The following PCDH15 variants were observed in gnomAD, a reference collection of about 807,000 sequenced individuals.
PCDH15 encodes protocadherin related 15.
Under a neutral mutation model 178.5 loss-of-function variants are expected in PCDH15, and 129 were observed. That is an observed-to-expected ratio of 0.72 (90% CI 0.63 to 0.84). The LOEUF is 0.84. Among genes scored for constraint, PCDH15 ranks in the 40% least tolerant of loss-of-function variants. The pLI is 0.00. For missense variants in PCDH15, 2,230 were observed against 2,099.9 expected (o/e 1.06, Z -1.21); for synonymous variants, 800 against 732.0 (o/e 1.09, Z -1.50).
chr10:54,188,051 C>T (rs983709798), intron 11 of PCDH15, among the ~76,000 whole-genome samples: 1 of 151,728 alleles, frequency 6.6e-6, no homozygotes, highest in Non-Finnish European at 1.5e-5. Flanking sequence ...TACCAACTAA[C>T]CTATTGTTTT....
At chr10:55,382,347 T>C (rs1234960966) in intron 2 of PCDH15, among the ~76,000 whole-genome samples, 1 of 152,040 alleles carries the variant, frequency 6.6e-6, no homozygotes, top group Non-Finnish European at 1.5e-5. Context: ...AATAAGAAAA[T>C]TAACCTGATG....
intron 8 of PCDH15, among the ~76,000 whole-genome samples, chr10:54,306,467 C>A (rs2060477196): frequency 6.6e-6 from 1 of 151,956 alleles, no homozygotes; most frequent in Non-Finnish European, 1.5e-5. Flanking sequence ...GAGGAATTGT[C>A]ATAGTTTGTG....
rs188479908 is a variant in PCDH15, at chr10:54,436,146, A to G, written c.158-57204T>C. On this transcript the variant is annotated intron_variant, in intron 3 of 37. Coordinates refer to ENST00000644397, the MANE Select transcript of PCDH15 (RefSeq NM_001384140.1). ...AAGAAAGAAAGAAAAAGAAAGAAAGAAAGGAAGGAAGAAAGGAAGGAAGGA... is the reference window on the plus strand; with the variant it reads ...AAGAAAGAAAGAAAAAGAAAGAAAGGAAGGAAGGAAGAAAGGAAGGAAGGA... 9.2e-4 allele frequency among the ~76,000 whole-genome samples: 136 copies of G among 147,764 alleles called. 1 individual carries two copies. Among genetic ancestry groups the G allele is most frequent in the African/African-American group, 3.1e-3 (123 of 39,572 alleles).
At chr10:54,243,814 G>A (rs112441448) in intron 8 of PCDH15, among the ~76,000 whole-genome samples, 2 of 152,210 alleles carry the variant, frequency 1.3e-5, no homozygotes, top group African/African-American at 4.8e-5. Flanking sequence ...GTTTTTCCTG[G>A]TGAGATTATT....
chr10:55,236,819 A>G (rs1355566881), intron 1 of PCDH15, among the ~76,000 whole-genome samples: 1 of 152,002 alleles, frequency 6.6e-6, no homozygotes, highest in Non-Finnish European at 1.5e-5. Flanking sequence ...GCATTACTAT[A>G]TGTTTTAAAA....
intron 37 of PCDH15, chr10:53,809,470 A>ATAGT (rs2075787212): frequency 1.2e-6 from 2 of 1,613,856 alleles, no homozygotes; most frequent in Non-Finnish European, 1.7e-6. Context: ...TGGTTTTTCG[A>ATAGT]TAGTTACAAC....
chr10:54,592,980 A>G (rs543983119), intron 2 of PCDH15, among the ~76,000 whole-genome samples: 3 of 152,248 alleles, frequency 2.0e-5, no homozygotes, highest in Non-Finnish European at 2.9e-5. Flanking sequence ...GTCGTCTTTC[A>G]TCTAGCTGTT....
chr10:54,507,237 C>T (rs985638763), intron 3 of PCDH15, among the ~76,000 whole-genome samples: 5 of 151,578 alleles, frequency 3.3e-5, no homozygotes, highest in African/African-American at 1.2e-4. Flanking sequence ...AGGTAAGTCT[C>T]CTAGCCTTAT....
chr10:54,540,857 T>C (rs1388656149), intron 2 of PCDH15, among the ~76,000 whole-genome samples: 2 of 152,110 alleles, frequency 1.3e-5, no homozygotes, highest in Non-Finnish European at 2.9e-5. Flanking sequence ...GTTCAATATA[T>C]GCAATTCAAT....
chr10:55,483,662 A>T (rs1009432702), intron 2 of PCDH15, among the ~76,000 whole-genome samples: 2 of 151,608 alleles, frequency 1.3e-5, no homozygotes, highest in African/African-American at 4.8e-5. Flanking sequence ...TTATCCTATT[A>T]TAAAGACACA....
chr10:53,825,672 CTTTG>C (rs957398265), intron 32 of PCDH15, among the ~76,000 whole-genome samples: 2 of 151,382 alleles, frequency 1.3e-5, no homozygotes, highest in African/African-American at 4.8e-5. Flanking sequence ...TGATCTTTGA[CTTTG>C]TTCTTTTTAA....
chr10:53,827,081 A>G (rs2076729488), intron 32 of PCDH15, among the ~76,000 whole-genome samples: 1 of 151,672 alleles, frequency 6.6e-6, no homozygotes, highest in African/African-American at 2.4e-5. Flanking sequence ...TATACATTAT[A>G]TATATGTAAA....
At chr10:54,949,514 G>A (rs777442835) in intron 2 of PCDH15, among the ~76,000 whole-genome samples, 8 of 151,974 alleles carry the variant, frequency 5.3e-5, no homozygotes, top group Non-Finnish European at 7.4e-5. Context: ...CATCATTATG[G>A]TAATTAACAT....
At chr10:54,742,439 T>G (rs11004532) in intron 1 of PCDH15, among the ~76,000 whole-genome samples, 1 of 151,916 alleles carries the variant, frequency 6.6e-6, no homozygotes, top group Non-Finnish European at 1.5e-5. Flanking sequence ...GGTAAATGTA[T>G]CTACCTAAAT....
chr10:55,365,347 T>C (rs1202367581), intron 2 of PCDH15, among the ~76,000 whole-genome samples: 4 of 152,206 alleles, frequency 2.6e-5, no homozygotes, highest in Non-Finnish European at 5.9e-5. Flanking sequence ...TGTTGGACAC[T>C]GTCCTTCTCC....
chr10:55,272,717 G>T (rs1842478178), intron 1 of PCDH15, among the ~76,000 whole-genome samples: 1 of 151,978 alleles, frequency 6.6e-6, no homozygotes, highest in Admixed American at 6.6e-5. Context: ...TAAGAATTCA[G>T]TCTAAGAATT....
intron 18 of PCDH15, among the ~76,000 whole-genome samples, chr10:54,030,886 A>G (rs2093272711): frequency 6.6e-6 from 1 of 151,830 alleles, no homozygotes; most frequent in South Asian, 2.1e-4. Context: ...TTTCTCGCCT[A>G]TACAGCACCC....
At chr10:55,098,675 C>A (rs1234764240) in intron 2 of PCDH15, among the ~76,000 whole-genome samples, 5 of 152,018 alleles carry the variant, frequency 3.3e-5, no homozygotes, top group African/African-American at 1.2e-4. Flanking sequence ...ACCAGCCTTC[C>A]CCGCATGCTA....
At chr10:53,900,044 A>C (rs1255003194) in intron 26 of PCDH15, among the ~76,000 whole-genome samples, 1 of 152,060 alleles carries the variant, frequency 6.6e-6, no homozygotes, top group African/African-American at 2.4e-5. Context: ...ACCACCCTTC[A>C]GTGCTAGTCT....
Sources: gnomAD v4.1 joint callset for allele counts (sites outside exome capture counted in the v4.1 genomes callset) on GRCh38, gnomAD v4.1.1 for gene constraint, MANE v1.5 for transcripts, NCBI Gene and HGNC (gene_info 2026-07-23, HGNC 2026-07-21) for gene names.